Variants in GABRB1 observed in about 807,000 individuals in gnomAD.
The protein encoded by GABRB1 is gamma-aminobutyric acid type A receptor subunit beta1.
GABRB1 carries 17 observed loss-of-function variants against 51.6 expected under a neutral mutation model. The ratio of observed to expected loss-of-function variants is 0.33; its 90% CI spans 0.23 to 0.49. The LOEUF is 0.49. Among genes scored for constraint, GABRB1 ranks in the 20% least tolerant of loss-of-function variants. The pLI is 0.99. For synonymous variants in GABRB1, 247 were observed against 218.9 expected (o/e 1.13, Z -1.14); for missense variants, 410 against 600.6 (o/e 0.68, Z 3.32).
intron 3 of GABRB1, among the ~76,000 whole-genome samples, chr4:47,086,914 GCAAAGTGTCA>G (rs1276238742): frequency 6.6e-6 from 1 of 152,170 alleles, no homozygotes; most frequent in African/African-American, 2.4e-5. Flanking sequence ...TAATTCTGCT[GCAAAGTGTCA>G]CAATGTTACT....
At chr4:47,194,970 A>G (rs1335459836) in intron 4 of GABRB1, among the ~76,000 whole-genome samples, 1 of 152,184 alleles carries the variant, frequency 6.6e-6, no homozygotes, top group Non-Finnish European at 1.5e-5. Flanking sequence ...GAAACAGTCC[A>G]ATAAAAGTTA....
chr4:47,114,674 A>C (rs1173607865), intron 3 of GABRB1, among the ~76,000 whole-genome samples: 1 of 152,168 alleles, frequency 6.6e-6, no homozygotes, highest in Admixed American at 6.5e-5. Context: ...TTTAATGAGA[A>C]TCCTGGGAGA....
At chr4:47,131,448 G>C (rs903496209) in intron 3 of GABRB1, among the ~76,000 whole-genome samples, 1 of 152,136 alleles carries the variant, frequency 6.6e-6, no homozygotes, top group Non-Finnish European at 1.5e-5. Context: ...GTGAGCCACC[G>C]CACCAGGCCG....
At chr4:47,184,202 C>T (rs1250719345) in intron 4 of GABRB1, among the ~76,000 whole-genome samples, 3 of 151,894 alleles carry the variant, frequency 2.0e-5, no homozygotes, top group Non-Finnish European at 4.4e-5. Context: ...CTGTCTATAA[C>T]TCTGCCAGTC....
intron 3 of GABRB1, among the ~76,000 whole-genome samples, chr4:47,112,062 C>T (rs538979744): frequency 2.2e-3 from 338 of 151,706 alleles, no homozygotes; most frequent in Non-Finnish European, 4.1e-3. Context: ...CTCCACCTCC[C>T]GGGTTCAAGC....
At chr4:47,242,147 T>C (rs1363685359) in intron 4 of GABRB1, among the ~76,000 whole-genome samples, 1 of 152,142 alleles carries the variant, frequency 6.6e-6, no homozygotes, top group Non-Finnish European at 1.5e-5. Context: ...TTTGGTTATC[T>C]GTCCTTGCAA....
intron 1 of GABRB1, among the ~76,000 whole-genome samples, chr4:47,008,852 C>CATTTTTTTTTTTTTTTTTTT (rs777676653): frequency 1.8e-5 from 1 of 56,476 alleles, no homozygotes; most frequent in African/African-American, 7.8e-5. Flanking sequence ...TCAGATACTA[C>CATTTTTTTTTTTTTTTTTTT]CTTTTTTTTT....
intron 4 of GABRB1, among the ~76,000 whole-genome samples, chr4:47,305,794 TC>T (rs1423797239): frequency 1.3e-5 from 2 of 152,202 alleles, no homozygotes; most frequent in African/African-American, 4.8e-5. Flanking sequence ...GGAGAGATAA[TC>T]TTTGTGTTCC....
At chr4:47,123,904 T>TGATATATAA (rs1560545886) in intron 3 of GABRB1, among the ~76,000 whole-genome samples, 5 of 58,134 alleles carry the variant, frequency 8.6e-5, no homozygotes, top group South Asian at 8.4e-4. Context: ...ATATAATATA[T>TGATATATAA]TATATATTAA....
At chr4:47,318,825 C>T (rs894562589) in intron 4 of GABRB1, among the ~76,000 whole-genome samples, 10 of 152,028 alleles carry the variant, frequency 6.6e-5, no homozygotes, top group Admixed American at 1.3e-4. Context: ...AAAAATGTAA[C>T]GGTCCTCCCC....
At chr4:47,020,685 A>G (rs1004921428) in intron 1 of GABRB1, among the ~76,000 whole-genome samples, 3 of 152,128 alleles carry the variant, frequency 2.0e-5, no homozygotes, top group Admixed American at 6.5e-5. Context: ...ACCACTTTTC[A>G]TCACCTCTAC....
chr4:47,397,666 A>C (rs1728223849), intron 5 of GABRB1, among the ~76,000 whole-genome samples: 1 of 152,036 alleles, frequency 6.6e-6, no homozygotes, highest in South Asian at 2.1e-4. Context: ...TCCCAGGTTC[A>C]AGCAATTCTC....
At chr4:47,047,209 A>T (rs1726132707) in intron 3 of GABRB1, among the ~76,000 whole-genome samples, 1 of 152,162 alleles carries the variant, frequency 6.6e-6, no homozygotes, top group Admixed American at 6.6e-5. Context: ...AATAATCTGT[A>T]GCAGTAAGAT....
At chr4:47,401,551 G>T (rs1298390338) in intron 5 of GABRB1, among the ~76,000 whole-genome samples, 1 of 152,122 alleles carries the variant, frequency 6.6e-6, no homozygotes, top group East Asian at 1.9e-4. Flanking sequence ...AGTGGCTGAG[G>T]GGGGAAAGAA....
intron 5 of GABRB1, among the ~76,000 whole-genome samples, chr4:47,347,066 G>A (rs990006946): frequency 2.6e-5 from 4 of 152,170 alleles, no homozygotes; most frequent in Admixed American, 6.5e-5. Flanking sequence ...TGGATCACTC[G>A]AGGTCAGGAG....
chr4:47,133,424 C>T (rs1247831106), intron 3 of GABRB1, among the ~76,000 whole-genome samples: 1 of 152,136 alleles, frequency 6.6e-6, no homozygotes, highest in Non-Finnish European at 1.5e-5. Context: ...GATATTGATG[C>T]CTTGGGCATG....
At chr4:47,143,636 G>C (rs1382445900) in intron 3 of GABRB1, among the ~76,000 whole-genome samples, 2 of 151,872 alleles carry the variant, frequency 1.3e-5, no homozygotes, top group Non-Finnish European at 2.9e-5. Flanking sequence ...TCTATAGCTG[G>C]ATCAGATTGA....
In GABRB1 at chr4:47,032,318, C is replaced by A. The variant is rs370826039; in HGVS notation, c.173-99C>A. On this transcript the variant is annotated intron_variant, in intron 2 of 8. Coordinates refer to ENST00000295454, the MANE Select transcript of GABRB1 (RefSeq NM_000812.4). ...GGTGGTGGGGGGAGCAGGGAGGGAGCCCGTTAAGAATGGAGTAAGGGCTGG... is the reference window on the plus strand; with the variant it reads ...GGTGGTGGGGGGAGCAGGGAGGGAGACCGTTAAGAATGGAGTAAGGGCTGG... The A allele has an allele frequency of 5.4e-5, 60 of 1,105,726 alleles. 1 individual carries two copies. In the African/African-American group the frequency reaches 8.3e-4, roughly 15 times the overall value. 68.5% of individuals were successfully genotyped at this position (1,105,726 alleles called of 1,614,324 possible).
At chr4:47,138,770 A>G (rs1378101241) in intron 3 of GABRB1, among the ~76,000 whole-genome samples, 1 of 152,100 alleles carries the variant, frequency 6.6e-6, no homozygotes, top group East Asian at 1.9e-4. Flanking sequence ...CAGAATTCTG[A>G]TGCCATTTGA....
Sources: gnomAD v4.1 joint callset for allele counts (sites outside exome capture counted in the v4.1 genomes callset) on GRCh38, gnomAD v4.1.1 for gene constraint, MANE v1.5 for transcripts, NCBI Gene and HGNC (gene_info 2026-07-23, HGNC 2026-07-21) for gene names.